The following GLIS3 variants were observed in gnomAD, a reference collection of about 807,000 sequenced individuals.
GLIS3 encodes zinc finger protein GLIS3.
GLIS3 carries 53 observed loss-of-function variants against 78.6 expected under a neutral mutation model. That is an observed-to-expected ratio of 0.67 (90% confidence interval 0.54 to 0.85). GLIS3 has a LOEUF of 0.85. Ranked by LOEUF, GLIS3 falls within the 40% of genes least tolerant of loss-of-function variation. The pLI, the probability that GLIS3 is intolerant of heterozygous loss-of-function variation, is 0.00. For synonymous variants in GLIS3, 684 were observed against 509.9 expected, an observed-to-expected ratio of 1.34 and a Z score of -4.60; for missense variants, 1,703 against 1,231.1, an observed-to-expected ratio of 1.38 and a Z score of -5.74.
intron 2 of GLIS3, among the ~76,000 whole-genome samples, chr9:4,329,990 A>G (rs571193346): frequency 9.8e-5 from 15 of 152,306 alleles, no homozygotes; most frequent in South Asian, 6.2e-4. Context: ...TTTCTTCTCT[A>G]TATTTCCTTG....
chr9:4,012,765 CTTTTTTTTTTTTT>C (rs71324278), intron 4 of GLIS3, among the ~76,000 whole-genome samples: 5 of 66,500 alleles, frequency 7.5e-5, no homozygotes, highest in South Asian at 7.8e-4. Context: ...TTTTCTTTTT[CTTTTTTTTTTTTT>C]TTTTTTTTTT....
intron 4 of GLIS3, among the ~76,000 whole-genome samples, chr9:4,005,032 G>A (rs1359047810): frequency 1.3e-5 from 2 of 152,114 alleles, no homozygotes; most frequent in Non-Finnish European, 2.9e-5. Flanking sequence ...GAATCCTGAT[G>A]CCCCCAGTGG....
chr9:4,103,876 T>G (rs1293093349), intron 4 of GLIS3, among the ~76,000 whole-genome samples: 1 of 152,162 alleles, frequency 6.6e-6, no homozygotes, highest in Non-Finnish European at 1.5e-5. Context: ...ACCTTGTTGC[T>G]TTCAATGGCC....
chr9:4,339,543 T>G (rs1817802568), intron 2 of GLIS3, among the ~76,000 whole-genome samples: 1 of 151,374 alleles, frequency 6.6e-6, no homozygotes. Context: ...AGGTTTGGAT[T>G]GCTAACCGGA....
chr9:3,984,601 G>C (rs563884741), intron 4 of GLIS3, among the ~76,000 whole-genome samples: 1 of 152,170 alleles, frequency 6.6e-6, no homozygotes, highest in Non-Finnish European at 1.5e-5. Context: ...TGAGACTTTA[G>C]ACTGTAGACT....
chr9:4,255,889 T>G (rs1326345948), intron 2 of GLIS3, among the ~76,000 whole-genome samples: 6 of 152,164 alleles, frequency 3.9e-5, no homozygotes, highest in Admixed American at 3.3e-4. Flanking sequence ...CAATGCAGGT[T>G]CATCCACTGT....
chr9:4,473,457 C>CAAAAAAAAAAAAAAAA, the GLIS3 span, among the ~76,000 whole-genome samples: 11 of 60,652 alleles, frequency 1.8e-4, no homozygotes, highest in African/African-American at 4.7e-4. Context: ...ACAACAACAA[C>CAAAAAAAAAAAAAAAA]AACAAAAAAA....
intron 9 of GLIS3, 188 bp downstream of exon 9, chr9:3,855,821 T>C: frequency 1.5e-6 from 1 of 668,762 alleles, no homozygotes; most frequent in East Asian, 2.8e-5. Context: ...CATACCATCA[T>C]CAGGCCAAAG....
chr9:4,419,801 CAAA>C, the GLIS3 span, among the ~76,000 whole-genome samples: 1 of 151,818 alleles, frequency 6.6e-6, no homozygotes, highest in East Asian at 1.9e-4. Flanking sequence ...AACAAACAAA[CAAA>C]AACAAAAAAC....
the GLIS3 span, among the ~76,000 whole-genome samples, chr9:4,439,232 C>A: frequency 2.0e-5 from 3 of 152,120 alleles, no homozygotes; most frequent in Non-Finnish European, 4.4e-5. Flanking sequence ...TCCAAGATTT[C>A]TATTTTTAAA....
intron 4 of GLIS3, among the ~76,000 whole-genome samples, chr9:3,984,975 T>A (rs545081364): frequency 2.0e-5 from 3 of 152,270 alleles, no homozygotes; most frequent in African/African-American, 7.2e-5. Context: ...GCCATGATTG[T>A]GAGGCCTCCC....
At chr9:3,972,372 T>C (rs1818443459) in intron 4 of GLIS3, among the ~76,000 whole-genome samples, 1 of 152,176 alleles carries the variant, frequency 6.6e-6, no homozygotes, top group African/African-American at 2.4e-5. Flanking sequence ...CTGGATCCTA[T>C]AAATGGGAGA....
At chr9:4,228,990 A>G (rs751610192) in intron 2 of GLIS3, among the ~76,000 whole-genome samples, 3 of 146,232 alleles carry the variant, frequency 2.1e-5, no homozygotes, top group South Asian at 2.2e-4. Flanking sequence ...AGATTCTAGC[A>G]ATAGTTAACT....
chr9:3,963,281 T>C (rs2130890428), intron 4 of GLIS3, among the ~76,000 whole-genome samples: 1 of 152,340 alleles, frequency 6.6e-6, no homozygotes, highest in South Asian at 2.1e-4. Context: ...TGTTTAACTT[T>C]GTTTTTCATT....
chr9:4,235,298 C>CA lies in GLIS3; in HGVS notation c.388+50739dup, dbSNP rs60654092. Among the ~76,000 whole-genome samples, 13 of 106,052 alleles carry CA rather than the reference C, an allele frequency of 1.2e-4. 1 individual carries two copies. Among genetic ancestry groups the CA allele is most frequent in the African/African-American group, 2.7e-4 (7 of 25,510 alleles). 69.6% of individuals were successfully genotyped at this position (106,052 alleles called of 152,430 possible). The stretch of plus-strand genomic sequence containing the variant: ...TGGGCGACACAGTGAGACTCTGTCT[C>CA]AAAAAAAAAAAAAAAAAACTGATGG... On this transcript the variant is annotated intron_variant, in intron 2 of 10. Transcript: ENST00000381971.
chr9:4,482,426 T>C, the GLIS3 span, among the ~76,000 whole-genome samples: 14 of 152,206 alleles, frequency 9.2e-5, no homozygotes, highest in Non-Finnish European at 5.9e-5. Context: ...GATTGGAAGA[T>C]GAAGAGACTG....
At chr9:3,873,778 T>C (rs1821126257) in intron 8 of GLIS3, among the ~76,000 whole-genome samples, 1 of 152,326 alleles carries the variant, frequency 6.6e-6, no homozygotes, top group East Asian at 1.9e-4. Flanking sequence ...AGCAATGCTA[T>C]ATCTGAAATA....
At chr9:3,951,091 C>G (rs1816650659) in intron 4 of GLIS3, among the ~76,000 whole-genome samples, 1 of 152,202 alleles carries the variant, frequency 6.6e-6, no homozygotes, top group Admixed American at 6.5e-5. Flanking sequence ...TAGATTCTAA[C>G]TGCACACACA....
intron 2 of GLIS3, among the ~76,000 whole-genome samples, chr9:4,150,355 G>T (rs979412200): frequency 5.9e-5 from 9 of 152,182 alleles, no homozygotes; most frequent in Admixed American, 2.6e-4. Context: ...ACATAAGGAG[G>T]AGGAAAACGT....
Sources: gnomAD v4.1 joint callset for allele counts (sites outside exome capture counted in the v4.1 genomes callset) on GRCh38, gnomAD v4.1.1 for gene constraint, MANE v1.5 for transcripts, NCBI Gene and HGNC (gene_info 2026-07-23, HGNC 2026-07-21) for gene names.